EYS: variants seen among roughly 807,000 people sequenced by gnomAD.
EYS encodes EGF-like photoreceptor maintenance factor.
In EYS, 250 loss-of-function variants were observed where a neutral mutation model predicts 282.1. That is an observed-to-expected ratio of 0.89 (90% confidence interval 0.80 to 0.98). The LOEUF (loss-of-function observed/expected upper bound fraction) is 0.98, where lower values mean the gene tolerates loss of function less well. Ranked by LOEUF, EYS falls within the 50% of genes least tolerant of loss-of-function variation. The pLI, the probability that EYS is intolerant of heterozygous loss-of-function variation, is 0.00. For synonymous variants in EYS, 1,355 were observed against 1,282.9 expected, an observed-to-expected ratio of 1.06 and a Z score of -1.20; for missense variants, 4,016 against 3,709.0, an observed-to-expected ratio of 1.08 and a Z score of -2.15.
At chr6:64,049,087 A>G (rs1273362569) in intron 33 of EYS, among the ~76,000 whole-genome samples, 2 of 152,172 alleles carry the variant, frequency 1.3e-5, no homozygotes, top group Non-Finnish European at 2.9e-5. Context: ...TTCACAGTAT[A>G]GTAGTTATTT....
chr6:65,606,231 C>A (rs354399), intron 2 of EYS, among the ~76,000 whole-genome samples: 8,370 of 151,582 alleles, frequency 0.055, 473 homozygotes, highest in East Asian at 0.16. Flanking sequence ...ATATGTTTAA[C>A]CACTCTAAAT....
At chr6:64,784,164 T>G (rs1375984911) in intron 22 of EYS, among the ~76,000 whole-genome samples, 1 of 152,082 alleles carries the variant, frequency 6.6e-6, no homozygotes, top group Non-Finnish European at 1.5e-5. Context: ...ATTTTTGAGT[T>G]TTACCTATTT....
intron 2 of EYS, among the ~76,000 whole-genome samples, chr6:65,504,468 G>C (rs568286177): frequency 6.6e-5 from 10 of 151,738 alleles, no homozygotes; most frequent in African/African-American, 2.2e-4. Flanking sequence ...GGACATTCTT[G>C]CCTTGTTCCA....
At chr6:65,588,496 C>T (rs1342805249) in intron 2 of EYS, among the ~76,000 whole-genome samples, 2 of 152,012 alleles carry the variant, frequency 1.3e-5, no homozygotes, top group African/African-American at 4.8e-5. Flanking sequence ...TCACACTTAC[C>T]TGTCTGTTTC....
chr6:64,699,928 G>A (rs548477597), intron 22 of EYS, among the ~76,000 whole-genome samples: 1 of 151,904 alleles, frequency 6.6e-6, no homozygotes, highest in African/African-American at 2.4e-5. Flanking sequence ...ATCTCTGATA[G>A]ATATAGATGC....
chr6:65,543,528 A>G (rs1043667401), intron 2 of EYS, among the ~76,000 whole-genome samples: 2 of 150,432 alleles, frequency 1.3e-5, no homozygotes, highest in African/African-American at 4.9e-5. Flanking sequence ...TAGTTTTACC[A>G]TATGGGAATT....
At chr6:64,834,874 A>T (rs1295574874) in intron 19 of EYS, among the ~76,000 whole-genome samples, 9 of 151,784 alleles carry the variant, frequency 5.9e-5, no homozygotes, top group Admixed American at 1.3e-4. Flanking sequence ...TGTTAAGTTG[A>T]TGTTAACCAC....
intron 24 of EYS, among the ~76,000 whole-genome samples, chr6:64,605,265 C>G: frequency 6.6e-6 from 1 of 151,742 alleles, no homozygotes; most frequent in Non-Finnish European, 1.5e-5. Context: ...GTGCCAATGG[C>G]CTTCTTATAC....
At chr6:64,952,907 A>C (rs1004796746) in intron 14 of EYS, among the ~76,000 whole-genome samples, 3 of 151,968 alleles carry the variant, frequency 2.0e-5, no homozygotes, top group Non-Finnish European at 2.9e-5. Context: ...AACATCTGGA[A>C]TAGTGTCTAA....
chr6:65,225,925 T>A (rs1418410539), intron 12 of EYS, among the ~76,000 whole-genome samples: 2 of 151,950 alleles, frequency 1.3e-5, no homozygotes, highest in African/African-American at 2.4e-5. Flanking sequence ...AACCCACAAA[T>A]ATATTATATT....
At chr6:65,222,153 T>G (rs1766483770) in intron 12 of EYS, among the ~76,000 whole-genome samples, 1 of 152,186 alleles carries the variant, frequency 6.6e-6, no homozygotes, top group Admixed American at 6.5e-5. Flanking sequence ...CTAAAATGAA[T>G]TAAGACTTTG....
intron 33 of EYS, among the ~76,000 whole-genome samples, chr6:64,030,935 A>G (rs1458991876): frequency 6.6e-6 from 1 of 152,166 alleles, no homozygotes; most frequent in Non-Finnish European, 1.5e-5. Context: ...AAGTAGCTAG[A>G]GCGGTCATCG....
chr6:65,246,111 G>A (rs1767173605), intron 12 of EYS, among the ~76,000 whole-genome samples: 1 of 152,006 alleles, frequency 6.6e-6, no homozygotes, highest in South Asian at 2.1e-4. Flanking sequence ...TCTTATTTTG[G>A]TTGTTCCTAA....
At chr6:63,779,714 CT>C (rs201570043) in intron 39 of EYS, among the ~76,000 whole-genome samples, 1 of 146,848 alleles carries the variant, frequency 6.8e-6, no homozygotes, top group Non-Finnish European at 1.5e-5. Flanking sequence ...ATTTTCAAAA[CT>C]TTTTTTTGGA....
At chr6:65,538,741 C>A (rs955124713) in intron 2 of EYS, among the ~76,000 whole-genome samples, 15 of 151,892 alleles carry the variant, frequency 9.9e-5, no homozygotes, top group African/African-American at 3.4e-4. Context: ...TGTTTGAAAC[C>A]CTTCCATGAC....
At chr6:64,344,727 G>C (rs1582630484) in intron 29 of EYS, among the ~76,000 whole-genome samples, 1 of 152,066 alleles carries the variant, frequency 6.6e-6, no homozygotes, top group African/African-American at 2.4e-5. Context: ...GGAAACAAAG[G>C]GCATTCAATT....
intron 31 of EYS, among the ~76,000 whole-genome samples, chr6:64,149,569 A>C (rs1774633414): frequency 6.6e-6 from 1 of 152,194 alleles, no homozygotes; most frequent in Non-Finnish European, 1.5e-5. Flanking sequence ...AGCAGCTACC[A>C]TTTATTTAGG....
chr6:65,599,232 A>C (rs1223739504), intron 2 of EYS, among the ~76,000 whole-genome samples: 1 of 151,932 alleles, frequency 6.6e-6, no homozygotes, highest in Non-Finnish European at 1.5e-5. Context: ...TTATTGAAAA[A>C]AATCTGCATA....
chr6:65,604,934 C>T (rs1765735130), intron 2 of EYS, among the ~76,000 whole-genome samples: 1 of 148,554 alleles, frequency 6.7e-6, no homozygotes, highest in African/African-American at 2.5e-5. Context: ...GCCTCAATTT[C>T]CCAGGCTTAA....
Sources: gnomAD v4.1 joint callset for allele counts (sites outside exome capture counted in the v4.1 genomes callset) on GRCh38, gnomAD v4.1.1 for gene constraint, MANE v1.5 for transcripts, NCBI Gene and HGNC (gene_info 2026-07-23, HGNC 2026-07-21) for gene names.